CFAP97: variants seen among roughly 807,000 people sequenced by gnomAD.
CFAP97 encodes cilia- and flagella-associated protein 97.
In CFAP97, 36 loss-of-function variants were observed where a neutral mutation model predicts 43.1. The observed-to-expected ratio is 0.84, with a 90% CI of 0.64 to 1.10. CFAP97 has a LOEUF of 1.10. Ranked by LOEUF, CFAP97 falls within the 50% of genes least tolerant of loss-of-function variation. CFAP97 has a pLI of 0.00. For missense variants in CFAP97, 657 were observed against 620.3 expected, an observed-to-expected ratio of 1.06 and a Z score of -0.63; for synonymous variants, 228 against 225.7, an observed-to-expected ratio of 1.01 and a Z score of -0.09.
rs1735955113 is a variant in CFAP97, at chr4:185,185,079, C to G, written c.1054+5064G>C. On this transcript the variant is annotated intron_variant, in intron 2 of 4. Transcript: ENST00000458385. ...TTTTAATTTATCTTCTAGAACATTT[C>G]TCTTTTCAACCCATTTTTAACCTAA... Among the ~76,000 whole-genome samples the G allele has an allele frequency of 2.0e-5, 3 of 152,194 alleles. No homozygotes were observed. The South Asian group carries it at 6.2e-4, about 32-fold the overall frequency.
At chr4:185,199,871 T>G (rs947431074) in intron 1 of CFAP97, among the ~76,000 whole-genome samples, 7 of 151,972 alleles carry the variant, frequency 4.6e-5, no homozygotes, top group Non-Finnish European at 1.0e-4. Flanking sequence ...ACAATGTACC[T>G]GGTCACCCAA....
At chr4:185,200,081 CACTTAT>C (rs1354747694) in intron 1 of CFAP97, among the ~76,000 whole-genome samples, 1 of 152,196 alleles carries the variant, frequency 6.6e-6, no homozygotes, top group Admixed American at 6.5e-5. Flanking sequence ...CCATTAAGAA[CACTTAT>C]GATTCATAGG....
chr4:185,163,354 C>T (rs1015677613), intron 4 of CFAP97, among the ~76,000 whole-genome samples: 4 of 151,992 alleles, frequency 2.6e-5, no homozygotes, highest in African/African-American at 4.8e-5. Context: ...TGAAGACTCA[C>T]GAGGGCGGGC....
chr4:185,206,127 A>G (rs1408246596), upstream of CFAP97, among the ~76,000 whole-genome samples: 1 of 152,228 alleles, frequency 6.6e-6, no homozygotes, highest in Non-Finnish European at 1.5e-5. Flanking sequence ...TGAACATAGA[A>G]TTATATGACC....
chr4:185,179,073 G>C (rs954329336), intron 2 of CFAP97, among the ~76,000 whole-genome samples: 6 of 152,028 alleles, frequency 3.9e-5, no homozygotes, highest in Non-Finnish European at 8.8e-5. Context: ...GACTTAACGG[G>C]GTTTAAAAGT....
chr4:185,202,319 C>G (rs1226216501), intron 1 of CFAP97, among the ~76,000 whole-genome samples: 1 of 152,178 alleles, frequency 6.6e-6, no homozygotes, highest in Non-Finnish European at 1.5e-5. Flanking sequence ...GAGGCCCAGG[C>G]AGGCAGACCA....
intron 1 of CFAP97, among the ~76,000 whole-genome samples, chr4:185,192,328 C>T (rs550287018): frequency 1.4e-4 from 22 of 152,282 alleles, no homozygotes; most frequent in African/African-American, 5.1e-4. Flanking sequence ...AAATTCACAG[C>T]ATACAGCCAA....
intron 1 of CFAP97, among the ~76,000 whole-genome samples, chr4:185,197,642 G>A (rs1736617503): frequency 6.6e-6 from 1 of 152,086 alleles, no homozygotes; most frequent in Non-Finnish European, 1.5e-5. Flanking sequence ...TAGCCAGGAT[G>A]GTCTTGATCT....
intron 1 of CFAP97, among the ~76,000 whole-genome samples, chr4:185,192,759 G>A (rs867426785): frequency 4.5e-4 from 1 of 2,220 alleles, no homozygotes; most frequent in African/African-American, 2.4e-3. Context: ...TTTTTTTTTT[G>A]AGACGGAGTC....
At chr4:185,176,808 A>G (rs575768287) in intron 2 of CFAP97, among the ~76,000 whole-genome samples, 7 of 152,326 alleles carry the variant, frequency 4.6e-5, no homozygotes, top group African/African-American at 1.7e-4. Context: ...TGAGGGAAAC[A>G]ATGGCAAAAA....
intron 3 of CFAP97, among the ~76,000 whole-genome samples, chr4:185,173,724 A>ACCTC (rs1199829763): frequency 6.6e-6 from 1 of 152,200 alleles, no homozygotes; most frequent in African/African-American, 2.4e-5. Flanking sequence ...AGATGCCCTT[A>ACCTC]GAGGATAGGG....
chr4:185,170,245 C>T, intron 3 of CFAP97: 3 of 643,760 alleles, frequency 4.7e-6, no homozygotes, highest in South Asian at 1.7e-5. Context: ...ACTTGGGAGG[C>T]CGAGGCAGGA....
At chr4:185,198,404 C>T (rs1736653016) in intron 1 of CFAP97, among the ~76,000 whole-genome samples, 1 of 150,346 alleles carries the variant, frequency 6.7e-6, no homozygotes, top group Non-Finnish European at 1.5e-5. Flanking sequence ...GATTGCATCA[C>T]TACACTCCAG....
At chr4:185,173,159 C>T (rs111296297) in intron 3 of CFAP97, among the ~76,000 whole-genome samples, 1 of 151,824 alleles carries the variant, frequency 6.6e-6, no homozygotes, top group African/African-American at 2.4e-5. Flanking sequence ...GTCAGGAGAT[C>T]GAGACCATCC....
intron 1 of CFAP97, among the ~76,000 whole-genome samples, chr4:185,203,566 A>C (rs1474403722): frequency 6.6e-6 from 1 of 151,934 alleles, no homozygotes; most frequent in Non-Finnish European, 1.5e-5. Context: ...TCGAGTCCCT[A>C]CAAGTAGGAA....
chr4:185,178,352 A>C (rs888774063), intron 2 of CFAP97, among the ~76,000 whole-genome samples: 1 of 140,088 alleles, frequency 7.1e-6, no homozygotes, highest in Non-Finnish European at 1.5e-5. Flanking sequence ...AGTTCAAGCG[A>C]TTGTCCTGCC....
intron 2 of CFAP97, among the ~76,000 whole-genome samples, chr4:185,188,109 A>T (rs993380110): frequency 1.3e-5 from 2 of 151,692 alleles, no homozygotes; most frequent in African/African-American, 4.8e-5. Context: ...ATTGGCCAGG[A>T]TGGTTTTGAT....
upstream of CFAP97, chr4:185,210,193 C>T: frequency 1.0e-6 from 1 of 984,948 alleles, no homozygotes; most frequent in South Asian, 4.7e-5. This position sits in a 1 kb window ranked among gnomAD's most constrained non-coding sequence, Gnocchi z 4.4. Context: ...CGCCCAGCCG[C>T]CCGACTTCGC....
At chr4:185,184,617 A>T (rs569095813) in intron 2 of CFAP97, among the ~76,000 whole-genome samples, 1 of 152,198 alleles carries the variant, frequency 6.6e-6, no homozygotes, top group African/African-American at 2.4e-5. Context: ...GCTAGAAAGT[A>T]GGTCCCTGAT....
Sources: allele counts gnomAD v4.1 joint callset (sites outside exome capture counted in the v4.1 genomes callset), GRCh38; gene constraint gnomAD v4.1.1; non-coding constraint Gnocchi (gnomAD v3.1); transcripts MANE v1.5; gene names NCBI Gene and HGNC (gene_info 2026-07-23, HGNC 2026-07-21).